SKIC2: variants seen among roughly 807,000 people sequenced by gnomAD.
SKIC2 encodes SKI2 subunit of superkiller complex.
At chr6:31,962,147 G>C in the SKIC2 span, 1 of 1,329,598 alleles carries the variant, frequency 7.5e-7, no homozygotes, top group Non-Finnish European at 1.1e-6. The surrounding 1 kb of genome is among the most constrained non-coding windows in gnomAD (Gnocchi z 5.0). Context: ...CACCTCTCTA[G>C]CTCATCCTTT....
chr6:31,960,878 G>A, the SKIC2 span: 2 of 896,322 alleles, frequency 2.2e-6, no homozygotes, highest in Admixed American at 4.5e-5. Flanking sequence ...CATCTGCTGG[G>A]AAATTTCTAC....
At chr6:31,961,202 C>G in the SKIC2 span, 1 of 1,614,020 alleles carries the variant, frequency 6.2e-7, no homozygotes, top group South Asian at 1.1e-5. Context: ...TCAGATTGTC[C>G]AACTCCAGCT....
chr6:31,963,417 C>A, the SKIC2 span: 1 of 1,562,746 alleles, frequency 6.4e-7, no homozygotes, highest in Non-Finnish European at 8.6e-7. This position sits in a 1 kb window ranked among gnomAD's most constrained non-coding sequence, Gnocchi z 5.3. Context: ...CTTCAGGCGG[C>A]TGAAGCGTCG....
At chr6:31,965,722 A>G in the SKIC2 span, 1 of 1,021,226 alleles carries the variant, frequency 9.8e-7, no homozygotes, top group Admixed American at 1.8e-5. The surrounding 1 kb of genome is among the most constrained non-coding windows in gnomAD (Gnocchi z 5.6). Context: ...GGGCTTGGCC[A>G]GGGCTGGGGG....
chr6:31,961,711 C>T, the SKIC2 span: 1 of 1,599,660 alleles, frequency 6.3e-7, no homozygotes, highest in Admixed American at 1.7e-5. Flanking sequence ...TCCTCTACCT[C>T]TTTCTGGGTC....
the SKIC2 span, chr6:31,968,429 A>T: frequency 6.2e-7 from 1 of 1,612,766 alleles, no homozygotes; most frequent in Admixed American, 1.7e-5. The surrounding 1 kb of genome is among the most constrained non-coding windows in gnomAD (Gnocchi z 6.1). Context: ...CCTGTCAATG[A>T]CCTGCAGCTC....
At chr6:31,961,270 G>A in the SKIC2 span, 49 of 1,611,582 alleles carry the variant, frequency 3.0e-5, 1 homozygote, top group East Asian at 1.8e-4. Context: ...TGGGGGTGAC[G>A]AGGATGAGAA....
At chr6:31,959,823 C>T in the SKIC2 span, 1 of 600,356 alleles carries the variant, frequency 1.7e-6, no homozygotes, top group Non-Finnish European at 3.0e-6. Flanking sequence ...GGTCCAGCCT[C>T]CATGTTTCTG....
the SKIC2 span, chr6:31,962,518 C>T: frequency 1.9e-6 from 3 of 1,613,992 alleles, no homozygotes; most frequent in Non-Finnish European, 2.5e-6. The surrounding 1 kb of genome is among the most constrained non-coding windows in gnomAD (Gnocchi z 5.0). Context: ...GGATGTGGGG[C>T]TGCTCACCGG....
chr6:31,965,829 C>T, the SKIC2 span: 1 of 1,612,776 alleles, frequency 6.2e-7, no homozygotes, highest in Non-Finnish European at 8.5e-7. This position sits in a 1 kb window ranked among gnomAD's most constrained non-coding sequence, Gnocchi z 5.6. Flanking sequence ...AACATGCCTG[C>T]TCGTACAGTA....
chr6:31,962,131 T>G, the SKIC2 span: 2 of 1,429,606 alleles, frequency 1.4e-6, no homozygotes, highest in Non-Finnish European at 2.0e-6. The surrounding 1 kb of genome is among the most constrained non-coding windows in gnomAD (Gnocchi z 5.0). Flanking sequence ...ATCTCATCTC[T>G]TCCCCCACCT....
At chr6:31,960,056 C>T in the SKIC2 span, 20 of 1,612,946 alleles carry the variant, frequency 1.2e-5, no homozygotes, top group Non-Finnish European at 1.6e-5. Flanking sequence ...CAGCAAGAAG[C>T]AGAACAGTTG....
the SKIC2 span, chr6:31,967,307 C>T: frequency 6.8e-6 from 11 of 1,612,962 alleles, no homozygotes; most frequent in Non-Finnish European, 9.3e-6. The surrounding 1 kb of genome is among the most constrained non-coding windows in gnomAD (Gnocchi z 4.9). Context: ...GGGCTGAAGT[C>T]TCTCTCAGCA....
At chr6:31,965,872 C>T in the SKIC2 span, 1 of 1,613,020 alleles carries the variant, frequency 6.2e-7, no homozygotes, top group Non-Finnish European at 8.5e-7. This position sits in a 1 kb window ranked among gnomAD's most constrained non-coding sequence, Gnocchi z 5.6. Flanking sequence ...ACGATGGCTC[C>T]ACCTTCCGGG....
At chr6:31,964,069 C>T in the SKIC2 span, 1 of 1,612,644 alleles carries the variant, frequency 6.2e-7, no homozygotes, top group Non-Finnish European at 8.5e-7. The surrounding 1 kb of genome is among the most constrained non-coding windows in gnomAD (Gnocchi z 5.0). Flanking sequence ...CGAGATCCAC[C>T]TCTTCCTGCA....
chr6:31,969,507 C>A, the SKIC2 span: 1 of 1,612,954 alleles, frequency 6.2e-7, no homozygotes, highest in Non-Finnish European at 8.5e-7. The surrounding 1 kb of genome is among the most constrained non-coding windows in gnomAD (Gnocchi z 6.1). Flanking sequence ...ACCCTACTTT[C>A]CCCACAGCCC....
At chr6:31,959,208 C>T in the SKIC2 span, 1 of 1,608,178 alleles carries the variant, frequency 6.2e-7, no homozygotes, top group Non-Finnish European at 8.5e-7. Context: ...GGAGACAGAG[C>T]GACTTGGTGA....
the SKIC2 span, chr6:31,963,809 G>A: frequency 7.3e-6 from 11 of 1,500,304 alleles, no homozygotes; most frequent in African/African-American, 1.4e-5. This position sits in a 1 kb window ranked among gnomAD's most constrained non-coding sequence, Gnocchi z 5.3. Context: ...GTCCCCCAGG[G>A]GTTTTGACTT....
At chr6:31,959,868 G>A in the SKIC2 span, 2 of 639,894 alleles carry the variant, frequency 3.1e-6, no homozygotes, top group Non-Finnish European at 5.6e-6. Context: ...TTCAGTAGCA[G>A]GTAGTTTTTG....
Sources: gnomAD v4.1 joint callset for allele counts on GRCh38, gnomAD v4.1.1 for gene constraint, Gnocchi (gnomAD v3.1) non-coding constraint, MANE v1.5 for transcripts, NCBI Gene and HGNC (gene_info 2026-07-23, HGNC 2026-07-21) for gene names.